Variants in CD80 observed in about 807,000 individuals in gnomAD.
CD80 encodes T-lymphocyte activation antigen CD80.
CD80 carries 13 observed loss-of-function variants against 27.1 expected under a neutral mutation model. The observed-to-expected ratio is 0.48, with a 90% CI of 0.31 to 0.76. The LOEUF is 0.76. CD80 is among the 30% of genes least tolerant of loss of function. The pLI is 0.04. For synonymous variants in CD80, 125 were observed against 125.5 expected (o/e 1.00, Z 0.03); for missense variants, 277 against 347.9 (o/e 0.80, Z 1.62).
chr3:119,545,987 T>C (rs2082200583), intron 2 of CD80, among the ~76,000 whole-genome samples: 1 of 152,252 alleles, frequency 6.6e-6, no homozygotes, highest in Non-Finnish European at 1.5e-5. Context: ...TGGAAGTCAC[T>C]ATCTAGAAAA....
intron 2 of CD80, among the ~76,000 whole-genome samples, chr3:119,552,916 A>G (rs2082242086): frequency 2.0e-5 from 3 of 152,084 alleles, no homozygotes; most frequent in Admixed American, 2.0e-4. Flanking sequence ...AAATTCATAG[A>G]GACAGAGAGT....
At chr3:119,545,092 C>T (rs1351160344) in intron 2 of CD80, among the ~76,000 whole-genome samples, 3 of 152,058 alleles carry the variant, frequency 2.0e-5, no homozygotes, top group African/African-American at 7.3e-5. Flanking sequence ...GCCTGTAATC[C>T]CAGCACTTTG....
chr3:119,538,317 T>C (rs532904874), intron 3 of CD80, among the ~76,000 whole-genome samples: 1 of 152,346 alleles, frequency 6.6e-6, no homozygotes, highest in East Asian at 1.9e-4. Context: ...TCTTCTCTTC[T>C]TTTCTTCCTG....
rs2082281472 is a variant in CD80, at chr3:119,559,529, A to T, written c.-290T>A. 1 of 152,216 alleles carries T rather than the reference A, an allele frequency of 6.6e-6. No homozygotes were observed. The highest frequency in any genetic ancestry group is 6.5e-5 in the Admixed American group (1 of 15,278). 9.4% of individuals were successfully genotyped at this position (152,216 alleles called of 1,614,324 possible). ...AGATGTTCTCTTCTTACAGTCTATA[A>T]AGCAATGACAAATCACTTTTTCTTT... On this transcript the variant is annotated 5_prime_UTR_variant, in exon 1 of 7. Transcript: ENST00000264246.
rs768035102 is a variant in CD80 at position 119,537,397 on chromosome 3, A to G, written c.440T>C (p.Ile147Thr). The change falls in exon 4 of 7, where the codon ATA (isoleucine) becomes ACA (threonine). Residue 147 changes from isoleucine to threonine, a missense_variant. Transcript: ENST00000264246. The stretch of plus-strand genomic sequence containing the variant: ...AGAAGTTGGAATTTCAAAGTCAGAT[A>G]TACTAGGTGTAGGGAAGTCAGCTAA... ...SVKADFPTPS[I>T]SDFEIPTSNI... 6.2e-7 allele frequency: 1 copy of G among 1,609,000 alleles called. No homozygotes were observed. The highest frequency in any genetic ancestry group is 8.5e-7 in the Non-Finnish European group (1 of 1,175,426).
chr3:119,531,774 C>G (rs920249176), intron 4 of CD80, among the ~76,000 whole-genome samples: 1 of 150,606 alleles, frequency 6.6e-6, no homozygotes, highest in Non-Finnish European at 1.5e-5. Flanking sequence ...AGGAATTCTC[C>G]TGCCTCAGCC....
rs1560055066 is a variant in CD80, at chr3:119,537,381, A to G, written c.456T>C (p.Ile152=). Residue 152 remains isoleucine (I), a synonymous_variant, in exon 4 of 7, where the codon ATT becomes ATC. Transcript: ENST00000264246. ...TTATCCTTCTAATATTAGAAGTTGG[A>G]ATTTCAAAGTCAGATATACTAGGTG... The part of the protein sequence containing the change: ...FPTPSISDFE[I]PTSNIRRIIC... 6.2e-7 allele frequency: 1 copy of G among 1,612,274 alleles called. No individual in the cohort carries two copies. Among genetic ancestry groups the G allele is most frequent in the Non-Finnish European group, 8.5e-7 (1 of 1,178,424 alleles).
At position 119,524,420 on chromosome 3, in the gene CD80, G is replaced by GA. The variant is rs1486018615; in HGVS notation, c.*1367dup. On this transcript the variant is annotated 3_prime_UTR_variant, in exon 7 of 7. Coordinates refer to ENST00000264246, the MANE Select transcript of CD80 (RefSeq NM_005191.4). ...AACTGTTACTAAATGGAAAAGAAAA[G>GA]AATTATTGAGTTAAGTATTCCTGTC... 6 of 152,186 alleles carry GA rather than the reference G, an allele frequency of 3.9e-5. No homozygotes were observed. Among genetic ancestry groups the GA allele is most frequent in the African/African-American group, 1.4e-4 (6 of 41,442 alleles). 9.4% of individuals were successfully genotyped at this position (152,186 alleles called of 1,614,324 possible).
intron 4 of CD80, among the ~76,000 whole-genome samples, chr3:119,535,807 G>A (rs927746504): frequency 6.6e-6 from 1 of 152,134 alleles, no homozygotes; most frequent in African/African-American, 2.4e-5. Context: ...CGTGTGGGTG[G>A]CATGCCCTAA....
intron 3 of CD80, among the ~76,000 whole-genome samples, chr3:119,538,596 T>C (rs536946964): frequency 6.6e-6 from 1 of 152,364 alleles, no homozygotes; most frequent in East Asian, 1.9e-4. Context: ...CTCTTGAGAA[T>C]GGTTTCTCAT....
At chr3:119,544,213 C>T (rs1288535530) in intron 3 of CD80, 3 of 269,120 alleles carry the variant, frequency 1.1e-5, no homozygotes, top group East Asian at 8.2e-5. Flanking sequence ...CATACTTTCA[C>T]AGGCATATAT....
rs2082144190 is a variant in CD80 at position 119,537,216 on chromosome 3, A to G, written c.621T>C (p.Asn207=). ...LYAVSSKLDF[N]MTTNHSFMCL... is the part of the protein sequence containing the mutation. ...ACATGAAGCTGTGGTTGGTTGTCAT[A>G]TTGAAATCCAGTTTGCTGCTAACAG... The change falls in exon 4 of 7, where the codon AAT becomes AAC. Residue 207 remains asparagine, a synonymous_variant. Transcript: ENST00000264246. 8.7e-6 allele frequency: 14 copies of G among 1,614,054 alleles called. No individual in the cohort carries two copies. Among genetic ancestry groups the G allele is most frequent in the Non-Finnish European group, 1.2e-5 (14 of 1,179,910 alleles).
intron 2 of CD80, among the ~76,000 whole-genome samples, chr3:119,545,721 A>C (rs1157317091): frequency 6.6e-6 from 1 of 151,998 alleles, no homozygotes; most frequent in African/African-American, 2.4e-5. Context: ...AAGGATAATG[A>C]ATAATATTAC....
At chr3:119,547,865 A>G (rs1310630330) in intron 2 of CD80, among the ~76,000 whole-genome samples, 1 of 152,186 alleles carries the variant, frequency 6.6e-6, no homozygotes, top group Non-Finnish European at 1.5e-5. Flanking sequence ...TCCTACATCC[A>G]GTTCAACACC....
rs926957361 is a variant in CD80, at chr3:119,525,505, C to T, written c.*283G>A. 1 of 152,222 alleles carries T rather than the reference C, an allele frequency of 6.6e-6. No individual in the cohort carries two copies. Among genetic ancestry groups the T allele is most frequent in the Non-Finnish European group, 1.5e-5 (1 of 68,032 alleles). The allele number at this position is 152,222 out of a possible 1,614,324, so 9.4% of individuals were successfully genotyped here. ...GGGTCACCTCCCTGGGCCTCAGTGC[C>T]TTTGTCATTAATAACACTGGTATTC... On this transcript the variant is annotated 3_prime_UTR_variant, in exon 7 of 7. Transcript: ENST00000264246.
intron 3 of CD80, among the ~76,000 whole-genome samples, chr3:119,541,049 C>CAA (rs112578347): frequency 1.1e-4 from 15 of 141,428 alleles, no homozygotes; most frequent in African/African-American, 1.5e-4. Flanking sequence ...GACTCCATCT[C>CAA]AAAAAAAAAA....
At chr3:119,527,561 T>G (rs1577105971) in intron 6 of CD80, 172 bp downstream of exon 6, 1 of 503,040 alleles carries the variant, frequency 2.0e-6, no homozygotes, top group Non-Finnish European at 3.5e-6. Context: ...TTAAGCAAAT[T>G]GCATATGGGG....
chr3:119,524,790 G>A lies in CD80; in HGVS notation c.*998C>T, dbSNP rs2082055014. The A allele has an allele frequency of 6.6e-6, 1 of 152,204 alleles. No individual in the cohort carries two copies. The highest frequency in any genetic ancestry group is 1.5e-5 in the Non-Finnish European group (1 of 68,040). The allele number at this position is 152,204 out of a possible 1,614,324, so 9.4% of individuals were successfully genotyped here. A position where few individuals can be genotyped will look rare whatever the true frequency, so the allele number is the denominator to read the frequency against. ...AACAGCAGTTGGCTATGTCTTTCCA[G>A]TTCTCTGCTGATGTCAGAAAGACCC... On this transcript the variant is annotated 3_prime_UTR_variant, in exon 7 of 7. Coordinates refer to ENST00000264246, the MANE Select transcript of CD80 (RefSeq NM_005191.4).
chr3:119,550,477 A>G (rs2082225599), intron 2 of CD80, among the ~76,000 whole-genome samples: 1 of 152,166 alleles, frequency 6.6e-6, no homozygotes, highest in South Asian at 2.1e-4. Flanking sequence ...TCACACGGGA[A>G]CCCAGTTTTC....
Sources: allele counts gnomAD v4.1 joint callset (sites outside exome capture counted in the v4.1 genomes callset), GRCh38; gene constraint gnomAD v4.1.1; transcripts MANE v1.5; gene names NCBI Gene and HGNC (gene_info 2026-07-23, HGNC 2026-07-21).